The following NXPH1 variants were observed in gnomAD, a reference collection of about 807,000 sequenced individuals.
NXPH1 encodes neurexophilin 1.
In NXPH1, 5 loss-of-function variants were observed where a neutral mutation model predicts 23.7. The observed-to-expected ratio is 0.21, with a 90% CI of 0.11 to 0.44. The LOEUF is 0.44. Ranked by LOEUF, NXPH1 falls within the 20% of genes least tolerant of loss-of-function variation. The pLI is 0.99. For synonymous variants in NXPH1, 144 were observed against 122.2 expected, an observed-to-expected ratio of 1.18 and a Z score of -1.18; for missense variants, 324 against 321.6, an observed-to-expected ratio of 1.01 and a Z score of -0.06.
intron 2 of NXPH1, among the ~76,000 whole-genome samples, chr7:8,474,234 C>G (rs1460551774): frequency 6.6e-6 from 1 of 152,114 alleles, no homozygotes; most frequent in Non-Finnish European, 1.5e-5. Flanking sequence ...AGGATTGCTA[C>G]ACATATTTTG....
chr7:8,718,667 C>T (rs1490116506), intron 2 of NXPH1, among the ~76,000 whole-genome samples: 3 of 152,094 alleles, frequency 2.0e-5, no homozygotes, highest in Non-Finnish European at 4.4e-5. Flanking sequence ...CCGAATCTTC[C>T]TAAAGTCACT....
intron 2 of NXPH1, among the ~76,000 whole-genome samples, chr7:8,694,054 T>A (rs917403943): frequency 6.6e-6 from 1 of 152,182 alleles, no homozygotes; most frequent in African/African-American, 2.4e-5. Context: ...CAAAGCAGTA[T>A]CTTGTTTACT....
intron 2 of NXPH1, among the ~76,000 whole-genome samples, chr7:8,676,245 G>A (rs1474194490): frequency 6.6e-6 from 1 of 152,152 alleles, no homozygotes; most frequent in Non-Finnish European, 1.5e-5. Flanking sequence ...TGTCTATTGT[G>A]TGCAATAATG....
intron 2 of NXPH1, among the ~76,000 whole-genome samples, chr7:8,481,984 C>T (rs928914669): frequency 1.1e-4 from 17 of 152,168 alleles, no homozygotes; most frequent in Admixed American, 1.0e-3. Context: ...TTGGACCTGA[C>T]GCACATGCAG....
intron 2 of NXPH1, among the ~76,000 whole-genome samples, chr7:8,465,735 CA>C (rs1217410275): frequency 6.6e-6 from 1 of 152,178 alleles, no homozygotes; most frequent in Non-Finnish European, 1.5e-5. Flanking sequence ...ATTTAAAAGT[CA>C]AAATGCCTGC....
intron 2 of NXPH1, among the ~76,000 whole-genome samples, chr7:8,731,726 A>G (rs1780157703): frequency 6.6e-6 from 1 of 152,182 alleles, no homozygotes; most frequent in Non-Finnish European, 1.5e-5. Flanking sequence ...ATGCTGGGAG[A>G]ACCACTGCTC....
chr7:8,684,835 C>T (rs1206982251), intron 2 of NXPH1, among the ~76,000 whole-genome samples: 1 of 152,032 alleles, frequency 6.6e-6, no homozygotes, highest in Non-Finnish European at 1.5e-5. Flanking sequence ...ATATTTAGGC[C>T]CTTCTATAAG....
chr7:8,545,836 A>G (rs1176914958), intron 2 of NXPH1, among the ~76,000 whole-genome samples: 3 of 151,488 alleles, frequency 2.0e-5, no homozygotes, highest in African/African-American at 7.3e-5. Flanking sequence ...CCTTAATACA[A>G]TTACATCAAG....
At chr7:8,746,079 G>T (rs79763798) in intron 2 of NXPH1, among the ~76,000 whole-genome samples, 5 of 152,096 alleles carry the variant, frequency 3.3e-5, no homozygotes, top group Non-Finnish European at 7.4e-5. Context: ...TGAACTTCTC[G>T]AGAGCCAGGA....
At chr7:8,611,347 AT>A (rs1819615843) in intron 2 of NXPH1, among the ~76,000 whole-genome samples, 1 of 152,140 alleles carries the variant, frequency 6.6e-6, no homozygotes, top group South Asian at 2.1e-4. Flanking sequence ...AAATCACTGT[AT>A]TTTGAGAAAA....
intron 2 of NXPH1, among the ~76,000 whole-genome samples, chr7:8,657,981 T>C (rs907477687): frequency 5.3e-5 from 8 of 152,206 alleles, no homozygotes; most frequent in African/African-American, 1.9e-4. Flanking sequence ...TGAGCCGAGA[T>C]CGTGCCACTG....
chr7:8,751,200 T>C lies in NXPH1; in HGVS notation c.247T>C (p.Ser83Pro), dbSNP rs1201567283. Residue 83 changes from serine to proline, a missense_variant, in exon 3 of 3, where the codon TCT becomes CCT. By Grantham distance (74) the Ser-to-Pro change is moderately conservative. Transcript: ENST00000405863. The surrounding 1 kb of genome is among the most constrained non-coding windows in gnomAD (Gnocchi z 4.5). The part of the protein sequence containing the change: ...DLRYDTPEPY[S>P]EQDLWDWLRN... ...GAGATATGACACCCCAGAACCTTAT[T>C]CTGAGCAAGACCTCTGGGACTGGCT... 9 of 1,613,686 alleles carry C rather than the reference T, an allele frequency of 5.6e-6. No homozygotes were observed. Among genetic ancestry groups the C allele is most frequent in the Non-Finnish European group, 7.6e-6 (9 of 1,179,806 alleles).
chr7:8,605,337 G>A (rs1819461805), intron 2 of NXPH1, among the ~76,000 whole-genome samples: 1 of 152,104 alleles, frequency 6.6e-6, no homozygotes, highest in Non-Finnish European at 1.5e-5. Flanking sequence ...GTCATTTGAA[G>A]GCACATGCAA....
Position 8,467,301 on chromosome 7 carries a change from A to C in NXPH1, c.54+31534A>C, listed in dbSNP as rs563161196. Among the ~76,000 whole-genome samples the C allele has an allele frequency of 8.5e-5, 13 of 152,290 alleles. No individual in the cohort carries two copies. The East Asian group carries it at 2.5e-3, about 29-fold the overall frequency. Reference sequence around the variant, plus strand: ...GGGTATTAATAGCTAAAGACTGTGAAATGAGGAGCCACAGAAACATCAGGT... The same window carrying C: ...GGGTATTAATAGCTAAAGACTGTGACATGAGGAGCCACAGAAACATCAGGT... On this transcript the variant is annotated intron_variant, in intron 2 of 2. Coordinates refer to ENST00000405863, the MANE Select transcript of NXPH1 (RefSeq NM_152745.3).
intron 2 of NXPH1, among the ~76,000 whole-genome samples, chr7:8,438,148 T>C (rs1172427781): frequency 6.6e-6 from 1 of 152,212 alleles, no homozygotes; most frequent in East Asian, 1.9e-4. Context: ...TGGGCAGTCA[T>C]TTCGGGATGG....
At chr7:8,622,336 G>C (rs998278254) in intron 2 of NXPH1, among the ~76,000 whole-genome samples, 1 of 152,172 alleles carries the variant, frequency 6.6e-6, no homozygotes, top group Non-Finnish European at 1.5e-5. Flanking sequence ...AAGTATTTAA[G>C]TAGCTTATAC....
At chr7:8,634,097 AT>A (rs1820176600) in intron 2 of NXPH1, among the ~76,000 whole-genome samples, 1 of 151,864 alleles carries the variant, frequency 6.6e-6, no homozygotes, top group Non-Finnish European at 1.5e-5. Context: ...TTATTTTTTC[AT>A]TTCCTGGTGA....
intron 2 of NXPH1, among the ~76,000 whole-genome samples, chr7:8,677,926 T>C (rs1192273461): frequency 4.9e-5 from 7 of 141,532 alleles, no homozygotes; most frequent in Admixed American, 2.7e-4. Context: ...AGTGTTTACA[T>C]ATATATAAAC....
chr7:8,461,843 A>AAAAAAAAAAAAAAAAAAAAAAAG (rs758426131), intron 2 of NXPH1, among the ~76,000 whole-genome samples: 29 of 121,410 alleles, frequency 2.4e-4, no homozygotes, highest in Non-Finnish European at 4.1e-4. Context: ...TCTCAAAAAA[A>AAAAAAAAAAAAAAAAAAAAAAAG]AAAAAAAAGA....
Sources: allele counts gnomAD v4.1 joint callset (sites outside exome capture counted in the v4.1 genomes callset), GRCh38; gene constraint gnomAD v4.1.1; non-coding constraint Gnocchi (gnomAD v3.1); transcripts MANE v1.5; gene names NCBI Gene and HGNC (gene_info 2026-07-23, HGNC 2026-07-21).